PSMG4: variants seen among roughly 807,000 people sequenced by gnomAD.
PSMG4 encodes the protein proteasome assembly chaperone 4.
A neutral mutation model predicts 11.0 loss-of-function variants in PSMG4; 10 were observed. The observed-to-expected ratio is 0.91, with a 90% CI of 0.56 to 1.54. The LOEUF (loss-of-function observed/expected upper bound fraction) is 1.54. PSMG4 is among the 40% of genes most tolerant of loss of function. PSMG4 has a pLI of 0.00. For missense variants in PSMG4, 198 were observed against 160.9 expected (o/e 1.23, Z -1.25); for synonymous variants, 95 against 71.3 (o/e 1.33, Z -1.68).
intron 1 of PSMG4, 126 bp downstream of exon 1, chr6:3,259,322 C>T (rs2127256606): frequency 1.1e-6 from 1 of 904,412 alleles, no homozygotes; most frequent in Non-Finnish European, 1.4e-6. Context: ...CGAAGCCCAC[C>T]CGTGGGATGT....
In PSMG4 at chr6:3,267,829, T is replaced by C; in HGVS notation, c.*117T>C. ...CGTTTTGTTTTTAAGGGGTTAATCT[T>C]TTGAGCTTCCTTCTCAGCAGTGTGT... is the stretch of plus-strand genomic sequence containing the variant. On this transcript the variant is annotated 3_prime_UTR_variant, in exon 3 of 3. Transcript: ENST00000438998. 1 of 1,085,444 alleles carries C rather than the reference T, an allele frequency of 9.2e-7. No individual in the cohort carries two copies. The highest frequency in any genetic ancestry group is 1.3e-6 in the Non-Finnish European group (1 of 764,696). 67.2% of individuals were successfully genotyped at this position (1,085,444 alleles called of 1,614,324 possible).
At chr6:3,257,382 G>C (rs1471129064), upstream of PSMG4, among the ~76,000 whole-genome samples, 1 of 152,214 alleles carries the variant, frequency 6.6e-6, no homozygotes, top group African/African-American at 2.4e-5. Flanking sequence ...TGTATAACCA[G>C]TGAAACCATC....
upstream of PSMG4, among the ~76,000 whole-genome samples, chr6:3,254,431 T>A (rs1410098922): frequency 2.1e-5 from 3 of 141,420 alleles, no homozygotes; most frequent in Admixed American, 7.4e-5. Context: ...GGTATGGCTT[T>A]GTGCTGTAAT....
intron 1 of PSMG4, among the ~76,000 whole-genome samples, chr6:3,263,408 C>T (rs79600102): frequency 0.013 from 2,052 of 152,362 alleles, 20 homozygotes; most frequent in South Asian, 0.044. Flanking sequence ...GAGTTTGAGA[C>T]ACTAAAACGA....
chr6:3,261,521 T>A (rs1345371961), intron 1 of PSMG4, among the ~76,000 whole-genome samples: 3 of 152,070 alleles, frequency 2.0e-5, no homozygotes, highest in Non-Finnish European at 4.4e-5. Flanking sequence ...TGGTCACAGC[T>A]CCCAGTGAGG....
At chr6:3,267,379 A>C in intron 2 of PSMG4, 1 of 398,674 alleles carries the variant, frequency 2.5e-6, no homozygotes, top group Non-Finnish European at 4.5e-6. Context: ...TGCCCTTCAG[A>C]ACCCTGGGTC....
upstream of PSMG4, among the ~76,000 whole-genome samples, chr6:3,258,251 CTTA>C (rs1409450164): frequency 5.9e-5 from 9 of 152,340 alleles, no homozygotes; most frequent in African/African-American, 2.2e-4. Flanking sequence ...GGCACCTGTT[CTTA>C]TTTGCATTTT....
In PSMG4 at chr6:3,267,499, TTCTG is replaced by T. The variant is rs1429334353; in HGVS notation, c.251-91_251-88del. On this transcript the variant is annotated intron_variant, in intron 2 of 2. Coordinates refer to ENST00000438998, the MANE Select transcript of PSMG4 (RefSeq NM_001128591.2). ...TTTTCTCCCTACAACCCCATCCTCT[TTCTG>T]AGCATTTCCCAGCTGCACGTGGCTG... The T allele has an allele frequency of 4.9e-6, 7 of 1,437,726 alleles. No individual in the cohort carries two copies. The African/African-American group carries it at 5.7e-5, about 12-fold the overall frequency. The allele number at this position is 1,437,726 out of a possible 1,614,324, so 89.1% of individuals were successfully genotyped here.
upstream of PSMG4, chr6:3,254,960 A>T (rs150661231): frequency 3.6e-6 from 5 of 1,390,312 alleles, no homozygotes; most frequent in Non-Finnish European, 4.8e-6. Flanking sequence ...TGGGTGTTGC[A>T]GAGCATGTGA....
upstream of PSMG4, chr6:3,255,197 T>C (rs1490413887): frequency 6.5e-7 from 1 of 1,550,308 alleles, no homozygotes; most frequent in African/African-American, 1.4e-5. Flanking sequence ...GGAAGTAGGA[T>C]GTTTGGTGGC....
upstream of PSMG4, among the ~76,000 whole-genome samples, chr6:3,254,627 T>C (rs747505194): frequency 5.3e-5 from 8 of 152,182 alleles, no homozygotes; most frequent in Non-Finnish European, 1.0e-4. Flanking sequence ...TTAAGAGGTG[T>C]AACACTGATT....
intron 1 of PSMG4, among the ~76,000 whole-genome samples, chr6:3,262,903 C>A (rs1045760870): frequency 2.7e-5 from 4 of 150,006 alleles, no homozygotes; most frequent in African/African-American, 9.8e-5. Context: ...TGGTCTCAAA[C>A]TCCTGGTCTC....
intron 2 of PSMG4, chr6:3,264,742 A>G (rs560475858): frequency 2.6e-3 from 407 of 155,360 alleles, no homozygotes; most frequent in Middle Eastern, 0.013. Flanking sequence ...AAATTTACAG[A>G]AAAGTTGCAA....
chr6:3,264,422 A>T (rs1338708848), intron 2 of PSMG4: 2 of 1,482,362 alleles, frequency 1.3e-6, no homozygotes, highest in Non-Finnish European at 1.8e-6. Context: ...GTTCTCCAGT[A>T]GGCCCAGCTG....
upstream of PSMG4, chr6:3,255,239 C>A (rs1471601939): frequency 1.9e-6 from 3 of 1,549,104 alleles, no homozygotes; most frequent in Admixed American, 2.0e-5. Context: ...GGTAAGCCTT[C>A]CATGCTGTTG....
At chr6:3,255,862 G>A (rs1357593795), upstream of PSMG4, among the ~76,000 whole-genome samples, 7 of 65,478 alleles carry the variant, frequency 1.1e-4, no homozygotes, top group Non-Finnish European at 3.0e-4. Context: ...TCACGTGAAT[G>A]CAAATTGTTT....
chr6:3,255,274 T>G, upstream of PSMG4: 2 of 1,542,742 alleles, frequency 1.3e-6, no homozygotes, highest in South Asian at 1.2e-5. Flanking sequence ...ACGGCTGTCT[T>G]ACGGGTCTAT....
chr6:3,267,415 AGTGACTCGTCTGCATTT>A, intron 2 of PSMG4, 159 bp from the exon 3 acceptor site: 1 of 583,208 alleles, frequency 1.7e-6, no homozygotes, highest in Non-Finnish European at 2.8e-6. Context: ...GAGAGGCCTG[AGTGACTCGTCTGCATTT>A]GCAGCACCTG....
Position 3,263,751 on chromosome 6 carries a change from A to G in PSMG4, c.242A>G (p.Gln81Arg). 1.3e-6 allele frequency: 2 copies of G among 1,551,294 alleles called. No homozygotes were observed. Among genetic ancestry groups the G allele is most frequent in the Non-Finnish European group, 8.7e-7 (1 of 1,146,758 alleles). The change falls in exon 2 of 3, where the codon CAG becomes CGG. Residue 81 changes from glutamine to arginine, a missense_variant. Transcript: ENST00000438998. ...GACACGACCTCTACTGGCCTTGCCC[A>G]GCGCCTAGGTATGTACCCACAGCTG... ...TSDTTSTGLA[Q>R]RLARKTNKQV...
Sources: allele counts gnomAD v4.1 joint callset (sites outside exome capture counted in the v4.1 genomes callset), GRCh38; gene constraint gnomAD v4.1.1; transcripts MANE v1.5; gene names NCBI Gene and HGNC (gene_info 2026-07-23, HGNC 2026-07-21).